PLD1: variants seen among roughly 807,000 people sequenced by gnomAD.
PLD1 encodes choline phosphatase 1.
PLD1 carries 112 observed loss-of-function variants against 137.1 expected under a neutral mutation model. The observed-to-expected ratio is 0.82, with a 90% CI of 0.70 to 0.96. The LOEUF (loss-of-function observed/expected upper bound fraction) is 0.96. Ranked by LOEUF, PLD1 falls within the 40% of genes least tolerant of loss-of-function variation. PLD1 has a pLI of 0.00. For synonymous variants in PLD1, 431 were observed against 454.7 expected (o/e 0.95, Z 0.66); for missense variants, 1,321 against 1,342.0 (o/e 0.98, Z 0.24).
chr3:171,602,105 C>T lies in PLD1; in HGVS notation c.*973G>A. 6.6e-6 allele frequency: 1 copy of T among 152,188 alleles called. No individual in the cohort carries two copies. The allele number at this position is 152,188 out of a possible 1,614,324, so 9.4% of individuals were successfully genotyped here. On this transcript the variant is annotated 3_prime_UTR_variant, in exon 27 of 27. Transcript: ENST00000351298. ...GCCTCTGATTCTCTTGAAAGACAAA[C>T]TGTATTCACTAGTTTGATTTTGAAA... is the stretch of plus-strand genomic sequence containing the variant.
intron 6 of PLD1, among the ~76,000 whole-genome samples, chr3:171,729,545 A>T (rs1302728924): frequency 6.6e-6 from 1 of 152,098 alleles, no homozygotes; most frequent in East Asian, 1.9e-4. Context: ...AACTCAAGTA[A>T]ATGGCCAGGT....
rs766702392 is a variant in PLD1 at position 171,603,246 on chromosome 3, A to G, written c.3057T>C (p.Phe1019=). ...CCTTAGCTAATACGGGCTTGTTTAT[A>G]AAGTCTCTCAGCTGAATTAAATTGT... The part of the protein sequence containing the change: ...EVHNLIQLRD[F]INKPVLAKED... The change falls in exon 27 of 27, where the codon TTT becomes TTC. Residue 1019 remains phenylalanine (F), a synonymous_variant. Transcript: ENST00000351298. The G allele has an allele frequency of 3.7e-6, 6 of 1,613,988 alleles. No homozygotes were observed. Among genetic ancestry groups the G allele is most frequent in the Admixed American group, 1.7e-5 (1 of 59,978 alleles).
chr3:171,638,464 T>C (rs1735348431), intron 23 of PLD1, among the ~76,000 whole-genome samples: 3 of 152,224 alleles, frequency 2.0e-5, no homozygotes, highest in Admixed American at 1.3e-4. Flanking sequence ...TGCTGCAATC[T>C]GTTGTTGACT....
At chr3:171,761,334 T>C (rs1578429593) in intron 1 of PLD1, among the ~76,000 whole-genome samples, 1 of 152,236 alleles carries the variant, frequency 6.6e-6, no homozygotes, top group East Asian at 1.9e-4. Context: ...AATGCAGAGC[T>C]TCCTAAAAAA....
chr3:171,602,106 T>C lies in PLD1; in HGVS notation c.*972A>G, dbSNP rs1484278417. The C allele has an allele frequency of 6.6e-6, 1 of 152,220 alleles. No homozygotes were observed. The highest frequency in any genetic ancestry group is 6.5e-5 in the Admixed American group (1 of 15,284). 9.4% of individuals were successfully genotyped at this position (152,220 alleles called of 1,614,324 possible). On this transcript the variant is annotated 3_prime_UTR_variant, in exon 27 of 27. Transcript: ENST00000351298. ...CCTCTGATTCTCTTGAAAGACAAACTGTATTCACTAGTTTGATTTTGAAAT... is the reference window on the plus strand; with the variant it reads ...CCTCTGATTCTCTTGAAAGACAAACCGTATTCACTAGTTTGATTTTGAAAT...
rs1731924520 is a variant in PLD1 at position 171,602,871 on chromosome 3, A to AAGT, written c.*204_*206dup. 3.5e-6 allele frequency: 2 copies of AAGT among 573,486 alleles called. No individual in the cohort carries two copies. 35.5% of individuals were successfully genotyped at this position (573,486 alleles called of 1,614,324 possible). On this transcript the variant is annotated 3_prime_UTR_variant, in exon 27 of 27. Transcript: ENST00000351298. ...AACAAGAATGCAGCCCCCTTTTTAC[A>AAGT]AGTTAGGCAGAAGGAATTATAAAGT...
At position 171,764,823 on chromosome 3, in the gene PLD1, AAG is replaced by A. The variant is rs1368509091; in HGVS notation, c.-31-26743_-31-26742del. On this transcript the variant is annotated intron_variant, in intron 1 of 26. Transcript: ENST00000351298. ...AAATGGGCAAATCAAGAAAGAAAGAAAGAGAAAGAAAGAAAGAAAGAAAGAAA... is the reference window on the plus strand; with the variant it reads ...AAATGGGCAAATCAAGAAAGAAAGAAAGAAAGAAAGAAAGAAAGAAAGAAA... Among the ~76,000 whole-genome samples the A allele has an allele frequency of 9.6e-4, 22 of 22,822 alleles. 1 individual carries two copies. The highest frequency in any genetic ancestry group is 1.6e-3 in the Non-Finnish European group (17 of 10,784). 15.0% of individuals were successfully genotyped at this position (22,822 alleles called of 152,430 possible).
rs746072321 is a variant in PLD1, at chr3:171,692,414, A to G, written c.1256T>C (p.Leu419Pro). 1 of 1,596,388 alleles carries G rather than the reference A, an allele frequency of 6.3e-7. No homozygotes were observed. The highest frequency in any genetic ancestry group is 1.1e-5 in the South Asian group (1 of 90,710). ...AAGAGCGAGTTCCACCTCTTTGTAG[A>G]GCATTATGAAGATCCTCACTCCTTG... The part of the protein sequence containing the change: ...AQQGVRIFIM[L>P]YKEVELALGI... The change falls in exon 13 of 27, where the codon CTC becomes CCC. Residue 419 changes from leucine to proline, a missense_variant. Leu to Pro is a moderately conservative substitution (Grantham distance 98). Transcript: ENST00000351298.
intron 1 of PLD1, chr3:171,792,315 G>T: frequency 6.4e-6 from 2 of 311,634 alleles, no homozygotes; most frequent in Admixed American, 4.4e-5. Flanking sequence ...TCCGTTATTG[G>T]CCCCATCATG....
rs939359121 is a variant in PLD1 at position 171,692,732 on chromosome 3, G to A, written c.1228-290C>T. Among the ~76,000 whole-genome samples the A allele has an allele frequency of 7.2e-5, 11 of 152,026 alleles. No homozygotes were observed. The East Asian group carries it at 7.7e-4, about 11-fold the overall frequency. ...GACAGGATTTCGCCATGTTGGCCAG[G>A]CTGGTCTCAAATTCCTGACCTCAAG... On this transcript the variant is annotated intron_variant, in intron 12 of 26. Transcript: ENST00000351298.
chr3:171,735,465 T>C, intron 4 of PLD1, 27 bp downstream of exon 4: 2 of 1,596,110 alleles, frequency 1.3e-6, no homozygotes, highest in Non-Finnish European at 1.7e-6. Flanking sequence ...ACTTGTATAC[T>C]GGCATAATTA....
chr3:171,790,297 A>G (rs1192200906), intron 1 of PLD1, among the ~76,000 whole-genome samples: 1 of 152,012 alleles, frequency 6.6e-6, no homozygotes, highest in African/African-American at 2.4e-5. Context: ...CAGTCCCACA[A>G]TTGAGGAAGC....
At chr3:171,782,142 A>T (rs538112761) in intron 1 of PLD1, among the ~76,000 whole-genome samples, 303 of 152,368 alleles carry the variant, frequency 2.0e-3, no homozygotes, top group African/African-American at 7.0e-3. Flanking sequence ...AAGAGTACAT[A>T]CATTGTATGA....
Position 171,708,891 on chromosome 3 carries a change from A to G in PLD1, c.1062-53T>C, listed in dbSNP as rs888013996. On this transcript the variant is annotated intron_variant, in intron 10 of 26. Transcript: ENST00000351298. ...TGTTATTAAAAAAGAAAAGAAAAGA[A>G]ACTTATCTTATGGTAAAGCAAAACA... 17 of 1,168,024 alleles carry G rather than the reference A, an allele frequency of 1.5e-5. No homozygotes were observed. The African/African-American group carries it at 2.4e-4, about 17-fold the overall frequency. The allele number at this position is 1,168,024 out of a possible 1,614,324, so 72.4% of individuals were successfully genotyped here.
At chr3:171,674,639 A>G (rs370311351) in intron 18 of PLD1, 26 bp from the exon 19 acceptor site, 1 of 1,249,204 alleles carries the variant, frequency 8.0e-7, no homozygotes, top group Non-Finnish European at 1.2e-6. Flanking sequence ...AGGATAAAAT[A>G]TTCAAATGAG....
intron 16 of PLD1, among the ~76,000 whole-genome samples, chr3:171,684,726 G>C (rs10936699): frequency 0.41 from 62,214 of 151,938 alleles, 13,010 homozygotes; most frequent in Non-Finnish European, 0.43. Flanking sequence ...TGCCAGAAAA[G>C]CTGGGACAAC....
chr3:171,680,480 T>C (rs1374778008), intron 16 of PLD1, among the ~76,000 whole-genome samples: 3 of 152,020 alleles, frequency 2.0e-5, no homozygotes, highest in Admixed American at 6.6e-5. Context: ...GTGATCTGCC[T>C]GCCTCGGCCT....
intron 1 of PLD1, among the ~76,000 whole-genome samples, chr3:171,799,302 G>A (rs1723552835): frequency 8.0e-6 from 1 of 125,334 alleles, no homozygotes; most frequent in Non-Finnish European, 1.6e-5. Flanking sequence ...TCACACCACT[G>A]CACTCCAGCC....
intron 3 of PLD1, among the ~76,000 whole-genome samples, chr3:171,736,513 T>C (rs1260717455): frequency 6.6e-6 from 1 of 152,118 alleles, no homozygotes; most frequent in Non-Finnish European, 1.5e-5. Flanking sequence ...CTCAGTGGTG[T>C]ATCAGGGAGA....
Sources: allele counts gnomAD v4.1 joint callset (sites outside exome capture counted in the v4.1 genomes callset), GRCh38; gene constraint gnomAD v4.1.1; transcripts MANE v1.5; gene names NCBI Gene and HGNC (gene_info 2026-07-23, HGNC 2026-07-21).